DGKI: variants seen among roughly 807,000 people sequenced by gnomAD.
DGKI encodes the protein diacylglycerol kinase iota, also known as DAG kinase iota.
In DGKI, 55 loss-of-function variants were observed where a neutral mutation model predicts 147.5. The observed-to-expected ratio is 0.37, with a 90% CI of 0.30 to 0.47. The LOEUF is 0.47. DGKI is among the 20% of genes least tolerant of loss of function. DGKI has a pLI of 1.00. For missense variants in DGKI, 1,007 were observed against 1,323.8 expected (o/e 0.76, Z 3.71); for synonymous variants, 469 against 477.1 (o/e 0.98, Z 0.22).
intron 8 of DGKI, among the ~76,000 whole-genome samples, chr7:137,618,819 T>C (rs886606542): frequency 1.3e-5 from 2 of 152,218 alleles, no homozygotes; most frequent in African/African-American, 4.8e-5. Context: ...TTTTAATATG[T>C]AGACACTATA....
At chr7:137,567,226 T>TA (rs1382418388) in intron 19 of DGKI, among the ~76,000 whole-genome samples, 2 of 148,118 alleles carry the variant, frequency 1.4e-5, no homozygotes, top group East Asian at 4.0e-4. Context: ...ATTGCACCAT[T>TA]GCACTCCAGC....
chr7:137,443,499 T>G (rs1273267506), intron 28 of DGKI, among the ~76,000 whole-genome samples: 1 of 152,200 alleles, frequency 6.6e-6, no homozygotes, highest in Non-Finnish European at 1.5e-5. Flanking sequence ...ATTGGATAAA[T>G]GAACAACTCC....
chr7:137,611,620 A>G (rs1820367186), intron 8 of DGKI, among the ~76,000 whole-genome samples: 1 of 152,148 alleles, frequency 6.6e-6, no homozygotes, highest in Non-Finnish European at 1.5e-5. Flanking sequence ...AATGATGGTG[A>G]CACTACCCAC....
intron 29 of DGKI, among the ~76,000 whole-genome samples, chr7:137,410,568 G>T (rs75873297): frequency 1.4e-3 from 207 of 152,304 alleles, no homozygotes; most frequent in African/African-American, 4.8e-3. Flanking sequence ...AAGACAACCA[G>T]CTGGATATAG....
At chr7:137,411,845 G>A (rs1812175113) in intron 29 of DGKI, among the ~76,000 whole-genome samples, 1 of 152,188 alleles carries the variant, frequency 6.6e-6, no homozygotes, top group African/African-American at 2.4e-5. Flanking sequence ...GTGTTGCCCA[G>A]GTAATTCTTA....
At chr7:137,708,048 C>T (rs549339380) in intron 1 of DGKI, among the ~76,000 whole-genome samples, 1 of 152,334 alleles carries the variant, frequency 6.6e-6, no homozygotes, top group Non-Finnish European at 1.5e-5. Flanking sequence ...GTCTTCCAAA[C>T]TTTCTGCGAA....
chr7:137,492,521 A>G (rs1176183714), intron 21 of DGKI, among the ~76,000 whole-genome samples: 1 of 152,184 alleles, frequency 6.6e-6, no homozygotes. Context: ...TGAGCAGGGA[A>G]GGAATGACAT....
chr7:137,491,153 G>A (rs1815748330), intron 21 of DGKI, among the ~76,000 whole-genome samples: 2 of 152,136 alleles, frequency 1.3e-5, no homozygotes, highest in Admixed American at 6.5e-5. Flanking sequence ...ACCCTCAAAA[G>A]GCTTGCAAAC....
At chr7:137,754,476 G>C (rs1397500171) in intron 1 of DGKI, among the ~76,000 whole-genome samples, 11 of 152,192 alleles carry the variant, frequency 7.2e-5, no homozygotes, top group Admixed American at 7.2e-4. Context: ...CCACCAACCT[G>C]TCTGCAATCA....
chr7:137,560,126 A>G (rs1223263998), intron 19 of DGKI, among the ~76,000 whole-genome samples: 1 of 152,200 alleles, frequency 6.6e-6, no homozygotes, highest in East Asian at 1.9e-4. Flanking sequence ...CACTAGGACA[A>G]CACAGGCAAA....
intron 2 of DGKI, among the ~76,000 whole-genome samples, chr7:137,680,911 C>T (rs1454663776): frequency 1.3e-5 from 2 of 152,156 alleles, no homozygotes; most frequent in Admixed American, 6.5e-5. Context: ...CCTTTCAGGG[C>T]CTAGTGACTC....
At chr7:137,475,213 G>A (rs977055381) in intron 23 of DGKI, among the ~76,000 whole-genome samples, 1 of 152,052 alleles carries the variant, frequency 6.6e-6, no homozygotes, top group Non-Finnish European at 1.5e-5. Flanking sequence ...CTGAGTTTTG[G>A]AGAAAACAAA....
At chr7:137,662,538 C>T (rs541999865) in intron 3 of DGKI, among the ~76,000 whole-genome samples, 8 of 222 alleles carry the variant, frequency 0.036, no homozygotes, top group Admixed American at 0.062. Context: ...CCACCGCGCC[C>T]GGCCCCAGCA....
At chr7:137,667,332 G>A (rs1443739143) in intron 3 of DGKI, among the ~76,000 whole-genome samples, 1 of 151,994 alleles carries the variant, frequency 6.6e-6, no homozygotes, top group Non-Finnish European at 1.5e-5. Flanking sequence ...GTGAAGATGG[G>A]CTAGACATAT....
chr7:137,517,726 G>A (rs957007252), intron 21 of DGKI, among the ~76,000 whole-genome samples: 1 of 152,192 alleles, frequency 6.6e-6, no homozygotes, highest in South Asian at 2.1e-4. Flanking sequence ...ATTCAGTGGT[G>A]GATAACAGAT....
intron 11 of DGKI, among the ~76,000 whole-genome samples, chr7:137,598,244 T>C (rs572883099): frequency 1.3e-5 from 2 of 152,344 alleles, no homozygotes; most frequent in African/African-American, 4.8e-5. Flanking sequence ...TCTTTTCCCA[T>C]CATTTCCTCT....
chr7:137,492,042 T>A (rs984619625), intron 21 of DGKI, among the ~76,000 whole-genome samples: 1 of 152,190 alleles, frequency 6.6e-6, no homozygotes, highest in African/African-American at 2.4e-5. Flanking sequence ...ATCTAGGACA[T>A]CGAAAGCTGA....
Position 137,387,742 on chromosome 7 carries a change from G to C in DGKI, c.*3478C>G, listed in dbSNP as rs1183823386. 2.0e-5 allele frequency: 3 copies of C among 151,812 alleles called. No individual in the cohort carries two copies. The highest frequency in any genetic ancestry group is 7.3e-5 in the African/African-American group (3 of 41,314). The allele number at this position is 151,812 out of a possible 1,614,324, so 9.4% of individuals were successfully genotyped here. On this transcript the variant is annotated 3_prime_UTR_variant, in exon 33 of 33. Transcript: ENST00000614521. ...ACTGTGGATGTGATACTCATCTGTG[G>C]TATTAAAACATTTTATAAAAAGCAT...
rs200013187 is a variant in DGKI, at chr7:137,587,223, C to T, written c.1312-13G>A. On this transcript the variant is annotated splice_polypyrimidine_tract_variant and intron_variant, in intron 12 of 32. Coordinates refer to ENST00000614521, the MANE Select transcript of DGKI (RefSeq NM_001321708.2). ...GGATCCAGCCCACCTACAGGCGTATCGGGGGCCAGAAGAGATATAAGAAAG... is the reference window on the plus strand; with the variant it reads ...GGATCCAGCCCACCTACAGGCGTATTGGGGGCCAGAAGAGATATAAGAAAG... The T allele has an allele frequency of 5.0e-5, 79 of 1,595,560 alleles. No homozygotes were observed. Among genetic ancestry groups the T allele is most frequent in the Non-Finnish European group, 4.6e-5 (54 of 1,171,682 alleles).
Sources: allele counts gnomAD v4.1 joint callset (sites outside exome capture counted in the v4.1 genomes callset), GRCh38; gene constraint gnomAD v4.1.1; transcripts MANE v1.5; gene names NCBI Gene and HGNC (gene_info 2026-07-23, HGNC 2026-07-21).